Variants in KLHL22 observed in about 807,000 individuals in gnomAD.
KLHL22 encodes the protein kelch like family member 22.
Under a neutral mutation model 60.7 loss-of-function variants are expected in KLHL22, and 18 were observed. The ratio of observed to expected loss-of-function variants is 0.30; its 90% CI spans 0.20 to 0.44. The LOEUF (loss-of-function observed/expected upper bound fraction) is 0.44. KLHL22 is among the 20% of genes least tolerant of loss of function. The pLI is 1.00. For missense variants in KLHL22, 596 were observed against 852.3 expected (o/e 0.70, Z 3.74); for synonymous variants, 355 against 354.5 (o/e 1.00, Z -0.01).
chr22:20,469,584 T>C (rs1284569302), intron 3 of KLHL22, among the ~76,000 whole-genome samples: 2 of 152,104 alleles, frequency 1.3e-5, no homozygotes, highest in South Asian at 4.1e-4. Flanking sequence ...AATTCTTTTG[T>C]TGTAAAAGCC....
intron 1 of KLHL22, chr22:20,491,065 A>C (rs1243308512): frequency 1.3e-5 from 2 of 152,174 alleles, no homozygotes; most frequent in African/African-American, 4.8e-5. Context: ...AATTTGTTAG[A>C]GCGACTCACA....
chr22:20,457,199 T>C (rs1288363111), intron 5 of KLHL22, among the ~76,000 whole-genome samples: 1 of 151,922 alleles, frequency 6.6e-6, no homozygotes, highest in Non-Finnish European at 1.5e-5. Context: ...TAAAACATCA[T>C]TTTTCCATAA....
intron 2 of KLHL22, among the ~76,000 whole-genome samples, chr22:20,472,393 C>A (rs927529719): frequency 3.3e-5 from 5 of 152,188 alleles, no homozygotes; most frequent in African/African-American, 1.2e-4. Context: ...GAGTTCAAGA[C>A]CAGCCTAGGC....
At chr22:20,490,674 C>G (rs1461603329) in intron 1 of KLHL22, among the ~76,000 whole-genome samples, 2 of 152,202 alleles carry the variant, frequency 1.3e-5, no homozygotes, top group African/African-American at 4.8e-5. Context: ...AACTGTTCCA[C>G]CTCAGATTAT....
At position 20,483,461 on chromosome 22, in the gene KLHL22, T is replaced by G. The variant is rs1601384164; in HGVS notation, c.227+5524A>C. ...AGGCCTTTTACTTCCTCTTCATGGT[T>G]CTTCTTCATGAAGAGCAGCTCCTCC... On this transcript the variant is annotated intron_variant, in intron 2 of 6. Coordinates refer to ENST00000328879, the MANE Select transcript of KLHL22 (RefSeq NM_032775.4). 3.9e-6 allele frequency: 3 copies of G among 761,074 alleles called. No individual in the cohort carries two copies. The East Asian group carries it at 7.6e-5, about 19-fold the overall frequency. 47.1% of individuals were successfully genotyped at this position (761,074 alleles called of 1,614,324 possible). A position where few individuals can be genotyped will look rare whatever the true frequency, so the allele number is the denominator to read the frequency against.
At chr22:20,455,647 G>A (rs2053051300) in intron 5 of KLHL22, among the ~76,000 whole-genome samples, 1 of 152,098 alleles carries the variant, frequency 6.6e-6, no homozygotes, top group South Asian at 2.1e-4. Context: ...ACCCCACAAG[G>A]AACTTTCCAC....
chr22:20,474,760 C>T (rs910289403), intron 2 of KLHL22, among the ~76,000 whole-genome samples: 2 of 152,228 alleles, frequency 1.3e-5, no homozygotes, highest in Non-Finnish European at 2.9e-5. Flanking sequence ...CCAGTTATTT[C>T]ACATGATGAA....
At chr22:20,445,210 T>TTA (rs2052838714) in intron 6 of KLHL22, among the ~76,000 whole-genome samples, 1 of 145,618 alleles carries the variant, frequency 6.9e-6, no homozygotes, top group South Asian at 2.2e-4. Flanking sequence ...CCTTCTCTAT[T>TTA]TTTTTTTTTT....
chr22:20,494,913 C>A (rs552862800), intron 1 of KLHL22, among the ~76,000 whole-genome samples: 366 of 152,316 alleles, frequency 2.4e-3, no homozygotes, highest in African/African-American at 8.5e-3. Context: ...GGCCCCCGAA[C>A]GAGCAGTATC....
rs149851344 is a variant in KLHL22, at chr22:20,446,537, C to T, written c.1445G>A (p.Arg482Gln). 65 of 1,613,650 alleles carry T rather than the reference C, an allele frequency of 4.0e-5. No individual in the cohort carries two copies. In the African/African-American group the frequency reaches 4.8e-4, roughly 12 times the overall value. Residue 482 changes from arginine to glutamine, a missense_variant, in exon 6 of 7, where the codon CGG becomes CAG. Physicochemically the swap from Arg to Gln is conservative, Grantham distance 43 (BLOSUM62 1). Coordinates refer to ENST00000328879, the MANE Select transcript of KLHL22 (RefSeq NM_032775.4). ...GGTTGCCATGCCGTGCCAGGCGCGC[C>T]GCACAGGCCCATCAGCCAGTGTGTG... ...TWHTLADGPV[R>Q]RAWHGMATLL... is the part of the protein sequence containing the mutation.
chr22:20,479,715 A>G lies in KLHL22; in HGVS notation c.228-8200T>C, dbSNP rs960010891. On this transcript the variant is annotated intron_variant, in intron 2 of 6. Transcript: ENST00000328879. ...TGTCTCAAAAAACAAAACAAACAAA[A>G]AACCAGAAAATAACAAGCTTTAGCA... Among the ~76,000 whole-genome samples the G allele has an allele frequency of 2.0e-5, 3 of 152,172 alleles. 1 individual carries two copies. Among genetic ancestry groups the G allele is most frequent in the Admixed American group, 2.0e-4 (3 of 15,280 alleles).
intron 5 of KLHL22, among the ~76,000 whole-genome samples, chr22:20,456,642 G>A (rs1007018753): frequency 1.3e-4 from 20 of 152,360 alleles, no homozygotes; most frequent in African/African-American, 4.8e-4. Context: ...GGTACGGAGT[G>A]TCCTTCCAAA....
At chr22:20,483,030 C>A (rs139997916) in intron 2 of KLHL22, 161 of 674,896 alleles carry the variant, frequency 2.4e-4, no homozygotes, top group Middle Eastern at 7.9e-4. Context: ...TACTCCTAGG[C>A]CTGGCACTGT....
chr22:20,492,072 C>T (rs890399454), intron 1 of KLHL22: 4 of 152,266 alleles, frequency 2.6e-5, no homozygotes, highest in African/African-American at 9.7e-5. Flanking sequence ...CCCACACACC[C>T]TGCTCGAGCC....
Position 20,465,885 on chromosome 22 carries a change from G to A in KLHL22, c.394-309C>T, listed in dbSNP as rs188647748. ...GAATGGAGTGCAGTGGCAGAATCTC[G>A]GCTCACTAACACCTCCCCCTCCCGG... On this transcript the variant is annotated intron_variant, in intron 3 of 6. Transcript: ENST00000328879. The surrounding 1 kb of genome is among the most constrained non-coding windows in gnomAD (Gnocchi z 4.9). 6.6e-6 allele frequency among the ~76,000 whole-genome samples: 1 copy of A among 151,972 alleles called. No homozygotes were observed. Among genetic ancestry groups the A allele is most frequent in the South Asian group, 2.1e-4 (1 of 4,818 alleles).
intron 4 of KLHL22, among the ~76,000 whole-genome samples, chr22:20,458,765 A>G (rs559610389): frequency 1.2e-4 from 18 of 152,034 alleles, no homozygotes; most frequent in Admixed American, 9.8e-4. Context: ...AGCCGCACAC[A>G]CAAGGCTCTG....
chr22:20,451,792 G>A, intron 5 of KLHL22: 3 of 1,601,948 alleles, frequency 1.9e-6, no homozygotes, highest in Non-Finnish European at 1.7e-6. Context: ...CCAGCGCTGT[G>A]ATGCTGGTGT....
chr22:20,442,907 G>C (rs1229585099), intron 6 of KLHL22, among the ~76,000 whole-genome samples: 2 of 152,126 alleles, frequency 1.3e-5, no homozygotes, highest in Non-Finnish European at 2.9e-5. Context: ...CAGTAGGACA[G>C]GGGGAGGAGA....
intron 2 of KLHL22, chr22:20,483,845 C>T: frequency 2.7e-6 from 2 of 731,316 alleles, no homozygotes; most frequent in South Asian, 2.7e-5. Context: ...GGCGGTCATT[C>T]AGGCTTTGTA....
Sources: allele counts gnomAD v4.1 joint callset (sites outside exome capture counted in the v4.1 genomes callset), GRCh38; gene constraint gnomAD v4.1.1; non-coding constraint Gnocchi (gnomAD v3.1); transcripts MANE v1.5; gene names NCBI Gene and HGNC (gene_info 2026-07-23, HGNC 2026-07-21).